Variants in ABCD3 observed in about 807,000 individuals in gnomAD.
ABCD3 encodes the protein ATP binding cassette subfamily D member 3.
ABCD3 carries 41 observed loss-of-function variants against 105.5 expected under a neutral mutation model. The observed-to-expected ratio is 0.39, with a 90% confidence interval of 0.30 to 0.50. The LOEUF (loss-of-function observed/expected upper bound fraction) is 0.50, where lower values mean the gene tolerates loss of function less well. ABCD3 is among the 20% of genes least tolerant of loss of function. ABCD3 has a pLI of 0.84. For missense variants in ABCD3, 622 were observed against 806.3 expected (o/e 0.77, Z 2.77); for synonymous variants, 258 against 269.0 (o/e 0.96, Z 0.40).
intron 1 of ABCD3, among the ~76,000 whole-genome samples, chr1:94,449,099 G>T (rs1017271852): frequency 2.6e-5 from 4 of 152,190 alleles, no homozygotes; most frequent in South Asian, 4.1e-4. Context: ...TGGGGTAGAG[G>T]TTATGCTTGT....
At chr1:94,462,867 T>G (rs1433109170) in intron 2 of ABCD3, among the ~76,000 whole-genome samples, 1 of 152,184 alleles carries the variant, frequency 6.6e-6, no homozygotes, top group Non-Finnish European at 1.5e-5. Flanking sequence ...GAACAAGTAG[T>G]TTAACTTCTT....
At chr1:94,395,880 A>C in the ABCD3 span, among the ~76,000 whole-genome samples, 1 of 151,956 alleles carries the variant, frequency 6.6e-6, no homozygotes, top group Non-Finnish European at 1.5e-5. Context: ...AGAGACAGAC[A>C]GAAAGAGAGA....
chr1:94,506,995 T>G (rs1164292287), intron 21 of ABCD3, among the ~76,000 whole-genome samples: 1 of 151,842 alleles, frequency 6.6e-6, no homozygotes, highest in Non-Finnish European at 1.5e-5. Context: ...ATTTTTTAAT[T>G]TATTATTATT....
chr1:94,418,643 G>C, intron 1 of ABCD3, 55 bp downstream of exon 1: 1 of 1,522,624 alleles, frequency 6.6e-7, no homozygotes, highest in Non-Finnish European at 8.8e-7. Context: ...CGCTCCCCGC[G>C]CGCTCTCTCT....
chr1:94,509,825 G>A (rs947092663), intron 21 of ABCD3, among the ~76,000 whole-genome samples: 6 of 152,072 alleles, frequency 3.9e-5, no homozygotes, highest in Non-Finnish European at 7.4e-5. Flanking sequence ...TTGTGGGATC[G>A]GTGGTGATAA....
intron 3 of ABCD3, among the ~76,000 whole-genome samples, chr1:94,466,282 C>T (rs1398716630): frequency 2.0e-5 from 3 of 152,140 alleles, no homozygotes; most frequent in Admixed American, 2.0e-4. Flanking sequence ...TATAAATGTT[C>T]TTTCTAAGTA....
intron 21 of ABCD3, among the ~76,000 whole-genome samples, chr1:94,512,971 T>C (rs1296418138): frequency 6.6e-6 from 1 of 152,062 alleles, no homozygotes; most frequent in African/African-American, 2.4e-5. Context: ...AGCAGCAGTG[T>C]CACCTAGGGG....
chr1:94,419,606 C>G (rs1373397786), intron 1 of ABCD3, among the ~76,000 whole-genome samples: 1 of 152,202 alleles, frequency 6.6e-6, no homozygotes. Context: ...ATTCATTCCT[C>G]TGAGCAGGTA....
chr1:94,458,623 C>A lies in ABCD3; in HGVS notation c.127C>A (p.Pro43Thr). The change falls in exon 2 of 23, where the codon CCA becomes ACA. Residue 43 changes from proline (P) to threonine (T), a missense_variant. Pro to Thr is a conservative substitution (Grantham distance 38). Around this residue, in one of 4 missense-constraint regions of ABCD3, gnomAD observed 89 missense variants for 77.5 expected, o/e 1.15. Coordinates refer to ENST00000370214, the MANE Select transcript of ABCD3 (RefSeq NM_002858.4). ...LGLHGKKSGKPPLQNNEKEGK... is the reference protein window; with the variant it reads ...LGLHGKKSGKTPLQNNEKEGK... ...CCTCTGCAGTAAGAAAAGTGGAAAA[C>A]CACCATTACAGAACAATGAGGTAAA... 1 of 1,612,764 alleles carries A rather than the reference C, an allele frequency of 6.2e-7. No homozygotes were observed. The highest frequency in any genetic ancestry group is 8.5e-7 in the Non-Finnish European group (1 of 1,179,038).
intron 1 of ABCD3, among the ~76,000 whole-genome samples, chr1:94,449,156 A>T (rs1445174923): frequency 6.6e-6 from 1 of 152,178 alleles, no homozygotes; most frequent in African/African-American, 2.4e-5. Flanking sequence ...CCATTAAGAC[A>T]CCTGAAACCT....
intron 21 of ABCD3, among the ~76,000 whole-genome samples, chr1:94,511,292 T>C (rs1014531641): frequency 1.4e-4 from 22 of 152,214 alleles, no homozygotes; most frequent in African/African-American, 5.3e-4. Flanking sequence ...TTGAAAATTC[T>C]TTTCTTTAAG....
chr1:94,465,606 C>G (rs554554351), intron 3 of ABCD3, among the ~76,000 whole-genome samples: 1 of 152,008 alleles, frequency 6.6e-6, no homozygotes, highest in African/African-American at 2.4e-5. Flanking sequence ...AAGACAAACC[C>G]TTTTATTACA....
chr1:94,464,972 C>G (rs1400220898), intron 3 of ABCD3, 99 bp downstream of exon 3: 1 of 1,020,192 alleles, frequency 9.8e-7, no homozygotes. Flanking sequence ...TTAATTGGCT[C>G]CTGGATCTGC....
upstream of ABCD3, among the ~76,000 whole-genome samples, chr1:94,413,417 G>A (rs1276205891): frequency 5.9e-5 from 9 of 152,100 alleles, no homozygotes; most frequent in African/African-American, 9.7e-5. Flanking sequence ...GATGCAATGC[G>A]GACACAGTTG....
intron 1 of ABCD3, among the ~76,000 whole-genome samples, chr1:94,456,477 C>T (rs1397804075): frequency 1.3e-5 from 2 of 151,032 alleles, no homozygotes; most frequent in Admixed American, 6.6e-5. Flanking sequence ...AGAGTTTCAC[C>T]GTGTTGCCCA....
At chr1:94,424,489 C>T (rs1161421912) in intron 1 of ABCD3, among the ~76,000 whole-genome samples, 1 of 152,124 alleles carries the variant, frequency 6.6e-6, no homozygotes, top group Non-Finnish European at 1.5e-5. Context: ...ATGGCACCAT[C>T]TTGGATCATT....
chr1:94,395,694 G>C, the ABCD3 span, among the ~76,000 whole-genome samples: 1 of 152,182 alleles, frequency 6.6e-6, no homozygotes, highest in Non-Finnish European at 1.5e-5. Context: ...GAAAGAGCAA[G>C]TAAAAATAGT....
In ABCD3 at chr1:94,490,887, A is replaced by G. The variant is rs960267971; in HGVS notation, c.1323-297A>G. Among the ~76,000 whole-genome samples the G allele has an allele frequency of 4.6e-5, 7 of 152,164 alleles. No individual in the cohort carries two copies. The East Asian group carries it at 1.4e-3, about 29-fold the overall frequency. On this transcript the variant is annotated intron_variant, in intron 15 of 22. Coordinates refer to ENST00000370214, the MANE Select transcript of ABCD3 (RefSeq NM_002858.4). Reference sequence around the variant, plus strand: ...TGTACTATTTGTAGTCCCACCAACAATGTACAAGGTTTCCTTTCTCCACAT... The same window carrying G: ...TGTACTATTTGTAGTCCCACCAACAGTGTACAAGGTTTCCTTTCTCCACAT...
chr1:94,501,177 C>G (rs1324919506), intron 20 of ABCD3, among the ~76,000 whole-genome samples: 1 of 150,742 alleles, frequency 6.6e-6, no homozygotes, highest in Non-Finnish European at 1.5e-5. Context: ...GGGAGAATCA[C>G]TTCAACCCGG....
Sources: gnomAD v4.1 joint callset for allele counts (sites outside exome capture counted in the v4.1 genomes callset) on GRCh38, gnomAD v4.1.1 for gene constraint, gnomAD v4.1.1 regional missense constraint, MANE v1.5 for transcripts, NCBI Gene and HGNC (gene_info 2026-07-23, HGNC 2026-07-21) for gene names.